Variants in THTPA observed in about 807,000 individuals in gnomAD.
THTPA encodes thiamine-triphosphatase.
Under a neutral mutation model 16.5 loss-of-function variants are expected in THTPA, and 16 were observed. That is an observed-to-expected ratio of 0.97 (90% CI 0.66 to 1.47). The LOEUF (loss-of-function observed/expected upper bound fraction) is 1.47, where lower values mean the gene tolerates loss of function less well. Ranked by LOEUF, THTPA falls within the 40% of genes most tolerant of loss-of-function variation. The probability of loss-of-function intolerance (pLI) is 0.00; values close to 1 mark genes in which losing one functional copy is unlikely to be tolerated. For synonymous variants in THTPA, 110 were observed against 115.5 expected, an observed-to-expected ratio of 0.95 and a Z score of 0.30; for missense variants, 281 against 280.9, an observed-to-expected ratio of 1.00 and a Z score of 0.00.
chr14:23,540,432 G>A, the THTPA span, among the ~76,000 whole-genome samples: 8 of 152,022 alleles, frequency 5.3e-5, no homozygotes, highest in African/African-American at 9.7e-5. Flanking sequence ...CACTGTCCTC[G>A]CCTTCCTCCC....
At chr14:23,534,115 G>T in the THTPA span, 2 of 1,487,082 alleles carry the variant, frequency 1.3e-6, no homozygotes, top group Non-Finnish European at 1.8e-6. The surrounding 1 kb of genome is among the most constrained non-coding windows in gnomAD (Gnocchi z 4.5). Flanking sequence ...GCCCACTGGG[G>T]CAGGGAGAGT....
At chr14:23,517,871 A>G in the THTPA span, among the ~76,000 whole-genome samples, 1 of 151,148 alleles carries the variant, frequency 6.6e-6, no homozygotes. Context: ...GTTGTTACAC[A>G]CTCCTTAGCA....
chr14:23,525,172 C>A, the THTPA span: 7 of 1,536,012 alleles, frequency 4.6e-6, no homozygotes, highest in Non-Finnish European at 6.1e-6. This position sits in a 1 kb window ranked among gnomAD's most constrained non-coding sequence, Gnocchi z 5.9. Flanking sequence ...CGGCAGGCAC[C>A]AGGGGAGGAA....
the THTPA span, chr14:23,535,010 G>A: frequency 1.3e-6 from 2 of 1,535,960 alleles, no homozygotes; most frequent in African/African-American, 1.4e-5. This position sits in a 1 kb window ranked among gnomAD's most constrained non-coding sequence, Gnocchi z 4.5. Context: ...TCCATGGGAG[G>A]GAGCCCTTCT....
chr14:23,521,389 T>C, the THTPA span: 1 of 152,132 alleles, frequency 6.6e-6, no homozygotes, highest in Non-Finnish European at 1.5e-5. Flanking sequence ...TTGGAAAGAG[T>C]TTGTGAGCGG....
At chr14:23,524,263 C>T in the THTPA span, 1,430 of 1,536,270 alleles carry the variant, frequency 9.3e-4, 3 homozygotes, top group Non-Finnish European at 1.1e-3. This position sits in a 1 kb window ranked among gnomAD's most constrained non-coding sequence, Gnocchi z 5.6. Flanking sequence ...TGAGCCCCAC[C>T]TCCTCGGAGA....
the THTPA span, chr14:23,521,878 G>A: frequency 8.0e-6 from 12 of 1,508,246 alleles, no homozygotes; most frequent in Non-Finnish European, 9.7e-6. Context: ...GGTGGGGTGA[G>A]GGATTTGAGC....
chr14:23,545,935 G>A, the THTPA span, among the ~76,000 whole-genome samples: 3 of 152,182 alleles, frequency 2.0e-5, no homozygotes, highest in African/African-American at 7.2e-5. Flanking sequence ...AACACTCTTG[G>A]CCCACCCTCT....
At chr14:23,536,956 G>GGTGAAACCCTA in the THTPA span, among the ~76,000 whole-genome samples, 2 of 150,982 alleles carry the variant, frequency 1.3e-5, no homozygotes, top group Non-Finnish European at 3.0e-5. Flanking sequence ...TGGCCAACAT[G>GGTGAAACCCTA]GTGAAACCCT....
chr14:23,519,374 A>G, the THTPA span, among the ~76,000 whole-genome samples: 1 of 152,354 alleles, frequency 6.6e-6, no homozygotes, highest in East Asian at 1.9e-4. Flanking sequence ...CCCAGAAAGC[A>G]CAAGTGAAGA....
the THTPA span, among the ~76,000 whole-genome samples, chr14:23,512,387 G>C: frequency 6.6e-6 from 1 of 152,020 alleles, no homozygotes; most frequent in Non-Finnish European, 1.5e-5. Context: ...AAGGGCACAG[G>C]GGCCCTGGGA....
At chr14:23,523,122 G>C in the THTPA span, 1 of 1,400,664 alleles carries the variant, frequency 7.1e-7, no homozygotes, top group African/African-American at 1.4e-5. The surrounding 1 kb of genome is among the most constrained non-coding windows in gnomAD (Gnocchi z 4.1). Context: ...GGCATGGGAA[G>C]AATCAGGAAG....
At chr14:23,527,910 T>A in the THTPA span, 4 of 1,045,400 alleles carry the variant, frequency 3.8e-6, no homozygotes, top group Non-Finnish European at 5.4e-6. Context: ...CCTTTTTTTT[T>A]TTTTTTTTTT....
At chr14:23,534,705 G>A in the THTPA span, 179 of 1,536,078 alleles carry the variant, frequency 1.2e-4, no homozygotes, top group Middle Eastern at 1.7e-4. This position sits in a 1 kb window ranked among gnomAD's most constrained non-coding sequence, Gnocchi z 4.5. Context: ...GGTAGCTCCA[G>A]AAAGCTCCAT....
the THTPA span, among the ~76,000 whole-genome samples, chr14:23,538,318 C>T: frequency 6.6e-6 from 1 of 152,096 alleles, no homozygotes; most frequent in Non-Finnish European, 1.5e-5. Flanking sequence ...CATCCTCCCC[C>T]AACCCCAACT....
At chr14:23,558,298 T>C (rs1595221133) in intron 1 of THTPA, among the ~76,000 whole-genome samples, 1 of 152,358 alleles carries the variant, frequency 6.6e-6, no homozygotes, top group Non-Finnish European at 1.5e-5. Flanking sequence ...TATGTGTACA[T>C]CTCTGCATGT....
At chr14:23,531,724 A>G in the THTPA span, 1 of 1,339,562 alleles carries the variant, frequency 7.5e-7, no homozygotes, top group East Asian at 2.9e-5. Flanking sequence ...AGCAGAAACT[A>G]GAACCATGGG....
chr14:23,530,294 A>G, the THTPA span: 2 of 923,490 alleles, frequency 2.2e-6, no homozygotes, highest in Non-Finnish European at 3.4e-6. Context: ...TCAATGAAGG[A>G]GAAAATGGAT....
At chr14:23,519,862 A>G in the THTPA span, among the ~76,000 whole-genome samples, 495 of 152,324 alleles carry the variant, frequency 3.2e-3, 5 homozygotes, top group African/African-American at 0.011. Context: ...AGAATATGAA[A>G]TGGATAATGA....
Sources: allele counts gnomAD v4.1 joint callset (sites outside exome capture counted in the v4.1 genomes callset), GRCh38; gene constraint gnomAD v4.1.1; non-coding constraint Gnocchi (gnomAD v3.1); transcripts MANE v1.5; gene names NCBI Gene and HGNC (gene_info 2026-07-23, HGNC 2026-07-21).